The following MCF2 variants were observed in gnomAD, a reference collection of about 807,000 sequenced individuals.
MCF2 encodes proto-oncogene DBL.
Under a neutral mutation model 82.5 loss-of-function variants are expected in MCF2, and 44 were observed. The ratio of observed to expected loss-of-function variants is 0.53; its 90% CI spans 0.42 to 0.69. The LOEUF is 0.69. Ranked by LOEUF, MCF2 falls within the 30% of genes least tolerant of loss-of-function variation. The pLI, the probability that MCF2 is intolerant of heterozygous loss-of-function variation, is 0.00. For missense variants in MCF2, 623 were observed against 663.1 expected (o/e 0.94, Z 0.66); for synonymous variants, 217 against 224.9 (o/e 0.96, Z 0.32).
intron 12 of MCF2, among the ~76,000 whole-genome samples, chrX:139,606,776 C>T (rs762305486): frequency 2.7e-5 from 3 of 111,468 alleles, no homozygotes; most frequent in Non-Finnish European, 5.7e-5. Flanking sequence ...GTATAAGTAA[C>T]CCATTTGATT....
intron 1 of MCF2, among the ~76,000 whole-genome samples, chrX:139,654,529 T>A (rs1934133717): frequency 8.9e-6 from 1 of 112,262 alleles, no homozygotes; most frequent in African/African-American, 3.2e-5. Flanking sequence ...GCTCCTTATA[T>A]TTTCTGGTTA....
At chrX:139,683,480 G>A (rs1789378114) in intron 1 of MCF2, among the ~76,000 whole-genome samples, 1 of 112,166 alleles carries the variant, frequency 8.9e-6, no homozygotes, top group Non-Finnish European at 1.9e-5. Context: ...AAATTTTCAA[G>A]CTAGTCTTAA....
intron 1 of MCF2, among the ~76,000 whole-genome samples, chrX:139,676,146 C>T (rs757036161): frequency 1.8e-3 from 203 of 112,776 alleles, no homozygotes; most frequent in African/African-American, 6.0e-3. Context: ...GAGATATAAT[C>T]TCCTGGTGCG....
intron 1 of MCF2, among the ~76,000 whole-genome samples, chrX:139,704,687 T>G (rs1935559105): frequency 9.2e-6 from 1 of 109,258 alleles, no homozygotes; most frequent in South Asian, 4.0e-4. Context: ...ACCAAGGAGG[T>G]GAAAAGTCTC....
At chrX:139,644,853 G>C (rs755173361), upstream of MCF2, among the ~76,000 whole-genome samples, 2 of 112,078 alleles carry the variant, frequency 1.8e-5, no homozygotes, top group East Asian at 2.8e-4. Flanking sequence ...CTTCCACAGA[G>C]AGCCCATATC....
intron 10 of MCF2, among the ~76,000 whole-genome samples, chrX:139,614,073 A>G (rs1214592829): frequency 1.8e-5 from 2 of 110,240 alleles, no homozygotes; most frequent in African/African-American, 6.6e-5. Flanking sequence ...ATTTACTCCC[A>G]TCTTCACCCA....
rs1256390599 is a variant in MCF2 at position 139,596,790 on chromosome X, C to A, written c.2056-20G>T. 2.7e-6 allele frequency: 3 copies of A among 1,103,089 alleles called. No homozygotes were observed. The highest frequency in any genetic ancestry group is 3.8e-6 in the Non-Finnish European group (3 of 798,799). The allele number at this position is 1,103,089 out of a possible 1,213,427, so 90.9% of individuals were successfully genotyped here. ...GTTTCCCTAGAATGGAAAATCAAAA[C>A]CCATTAGTAGAAAGCAAAGCTACAT... is the stretch of plus-strand genomic sequence containing the variant. On this transcript the variant is annotated intron_variant, in intron 18 of 24. Transcript: ENST00000370576.
At chrX:139,610,980 CAT>C (rs1931450888) in intron 10 of MCF2, among the ~76,000 whole-genome samples, 1 of 112,061 alleles carries the variant, frequency 8.9e-6, no homozygotes, top group African/African-American at 3.2e-5. Flanking sequence ...AAATGTTAAA[CAT>C]GTCATCAAAA....
chrX:139,678,095 C>T (rs1156607144), intron 1 of MCF2, among the ~76,000 whole-genome samples: 1 of 111,434 alleles, frequency 9.0e-6, no homozygotes, highest in Non-Finnish European at 1.9e-5. Flanking sequence ...CCCAGGAGGT[C>T]GAGGCTGCAG....
chrX:139,665,922 TATATAC>T lies in MCF2; in HGVS notation c.-44-14140_-44-14135del, dbSNP rs1475348665. On this transcript the variant is annotated intron_variant, in intron 1 of 27. Coordinates refer to the MCF2 transcript ENST00000414978. ...GTATATATATATATATATATATATA[TATATAC>T]ACACACACACAAACCATATATATAT... is the stretch of plus-strand genomic sequence containing the variant. Among the ~76,000 whole-genome samples the T allele has an allele frequency of 7.3e-3, 555 of 76,276 alleles. 5 individuals carry two copies. The highest frequency in any genetic ancestry group is 0.046 in the African/African-American group (499 of 10,854). The allele number at this position is 76,276 out of a possible 115,157, so 66.2% of individuals were successfully genotyped here. A position where few individuals can be genotyped will look rare whatever the true frequency, so the allele number is the denominator to read the frequency against.
At chrX:139,662,064 G>C (rs142215193) in intron 1 of MCF2, among the ~76,000 whole-genome samples, 2,849 of 111,639 alleles carry the variant, frequency 0.026, 110 homozygotes, top group African/African-American at 0.087. Context: ...CAGACAGACA[G>C]ACACACAAAA....
At chrX:139,598,849 A>G (rs113409607) in intron 16 of MCF2, among the ~76,000 whole-genome samples, 2,744 of 111,672 alleles carry the variant, frequency 0.025, 40 homozygotes, top group East Asian at 0.082. Flanking sequence ...AAAATTCACG[A>G]AAGACCAAGC....
intron 1 of MCF2, among the ~76,000 whole-genome samples, chrX:139,652,276 G>A (rs912545281): frequency 1.8e-5 from 2 of 111,615 alleles, no homozygotes; most frequent in African/African-American, 6.5e-5. Flanking sequence ...TAACCATATA[G>A]GCTTCTTAGT....
chrX:139,644,180 T>A (rs143351536), upstream of MCF2, among the ~76,000 whole-genome samples: 1 of 112,369 alleles, frequency 8.9e-6, no homozygotes, highest in East Asian at 2.8e-4. Context: ...ATTTGTCTAT[T>A]TGTAAGCCAA....
intron 19 of MCF2, among the ~76,000 whole-genome samples, chrX:139,591,890 T>C (rs1221115120): frequency 2.8e-5 from 3 of 107,281 alleles, no homozygotes; most frequent in Non-Finnish European, 5.8e-5. Flanking sequence ...GAATCTAAAA[T>C]AAAAGTTAAA....
chrX:139,637,500 C>CA (rs942987917), intron 1 of MCF2, among the ~76,000 whole-genome samples: 18 of 110,032 alleles, frequency 1.6e-4, no homozygotes, highest in South Asian at 1.5e-3. Flanking sequence ...TTCTCTTTAG[C>CA]AAAAAAAATA....
chrX:139,642,719 C>G, exon 1 of MCF2: 1 of 1,076,358 alleles, frequency 9.3e-7, no homozygotes, highest in African/African-American at 1.9e-5. Context: ...GATTAGTCAG[C>G]TGACAGATCC....
chrX:139,599,362 A>C (rs1415316867), intron 16 of MCF2, among the ~76,000 whole-genome samples: 1 of 109,325 alleles, frequency 9.1e-6, no homozygotes, highest in Non-Finnish European at 1.9e-5. Context: ...TTATTTTACT[A>C]GGCAAAATCA....
intron 24 of MCF2, among the ~76,000 whole-genome samples, chrX:139,584,611 G>C (rs1928784927): frequency 8.9e-6 from 1 of 111,767 alleles, no homozygotes; most frequent in Admixed American, 9.5e-5. Context: ...TATCATTAGT[G>C]TATTTTTGAG....
Sources: allele counts gnomAD v4.1 joint callset (sites outside exome capture counted in the v4.1 genomes callset), GRCh38; gene constraint gnomAD v4.1.1; transcripts MANE v1.5; gene names NCBI Gene and HGNC (gene_info 2026-07-23, HGNC 2026-07-21).